The following AGBL1 variants were observed in gnomAD, a reference collection of about 807,000 sequenced individuals.
The protein encoded by AGBL1 is AGBL carboxypeptidase 1, also known as cytosolic carboxypeptidase 4.
AGBL1 carries 130 observed loss-of-function variants against 118.9 expected under a neutral mutation model. The ratio of observed to expected loss-of-function variants is 1.09; its 90% CI spans 0.95 to 1.26. The LOEUF is 1.26. Ranked by LOEUF, AGBL1 falls within the 50% of genes most tolerant of loss-of-function variation. The pLI is 0.00. For missense variants in AGBL1, 1,584 were observed against 1,298.1 expected (o/e 1.22, Z -3.38); for synonymous variants, 555 against 478.9 (o/e 1.16, Z -2.08).
At position 86,282,413 on chromosome 15, in the gene AGBL1, A is replaced by T. The variant is rs1319902589; in HGVS notation, c.2220+2630A>T. 2.6e-5 allele frequency among the ~76,000 whole-genome samples: 4 copies of T among 152,328 alleles called. No individual in the cohort carries two copies. The East Asian group carries it at 7.7e-4, about 29-fold the overall frequency. The stretch of plus-strand genomic sequence containing the variant: ...ACTTTTTATTGTTACTTTTGAGCCT[A>T]CTGACTGTGAATGTCTTCCTCCAGG... On this transcript the variant is annotated intron_variant, in intron 16 of 22. Transcript: ENST00000614907.
chr15:86,497,515 A>T (rs937502132), intron 18 of AGBL1, among the ~76,000 whole-genome samples: 82 of 151,856 alleles, frequency 5.4e-4, no homozygotes, highest in African/African-American at 1.9e-3. Context: ...ATTTCTGTTT[A>T]TTTTCACTGA....
chr15:86,735,581 CTT>C (rs937548815), intron 22 of AGBL1, among the ~76,000 whole-genome samples: 2 of 147,194 alleles, frequency 1.4e-5, no homozygotes, highest in Admixed American at 1.4e-4. Flanking sequence ...TCTATTGTCT[CTT>C]TTGATATAGA....
At chr15:86,727,894 C>T (rs1012460771) in intron 22 of AGBL1, among the ~76,000 whole-genome samples, 3 of 152,170 alleles carry the variant, frequency 2.0e-5, no homozygotes, top group African/African-American at 7.2e-5. Context: ...AATATAAGAA[C>T]AGGTGCAGTT....
At chr15:86,604,052 C>A (rs891366374) in intron 21 of AGBL1, among the ~76,000 whole-genome samples, 4 of 151,438 alleles carry the variant, frequency 2.6e-5, no homozygotes, top group East Asian at 1.9e-4. Flanking sequence ...TTTCTTACAC[C>A]ATTAGCTCAT....
At position 86,264,835 on chromosome 15, in the gene AGBL1, A is replaced by G. The variant is rs1442379230; in HGVS notation, c.1664A>G (p.Gln555Arg). ...QPMLERKCGV[Q>R]RIRIFEDIRR... Reference sequence around the variant, plus strand: ...ATGTTGGAACGAAAATGTGGAGTCCAAAGGTGATGGCGCTACTGACTTGGG... The same window carrying G: ...ATGTTGGAACGAAAATGTGGAGTCCGAAGGTGATGGCGCTACTGACTTGGG... The change falls in exon 11 of 23, where the codon CAA becomes CGA. Residue 555 changes from glutamine to arginine, a missense_variant. Gln to Arg is a conservative substitution (Grantham distance 43, BLOSUM62 1). Transcript: ENST00000614907. The G allele has an allele frequency of 1.9e-6, 3 of 1,593,026 alleles. No homozygotes were observed. In the South Asian group the frequency reaches 3.4e-5, roughly 18 times the overall value.
intron 18 of AGBL1, among the ~76,000 whole-genome samples, chr15:86,432,042 A>G (rs1038222610): frequency 2.8e-5 from 4 of 142,042 alleles, no homozygotes; most frequent in African/African-American, 1.1e-4. Flanking sequence ...GGCCCTTGTG[A>G]TTCTCAGCAA....
At chr15:86,506,407 T>C (rs1242521527) in intron 18 of AGBL1, among the ~76,000 whole-genome samples, 1 of 152,068 alleles carries the variant, frequency 6.6e-6, no homozygotes, top group Admixed American at 6.6e-5. Context: ...AGACCCATGA[T>C]GTTTAGCAAT....
chr15:86,975,871 G>C (rs2081172042), intron 23 of AGBL1, among the ~76,000 whole-genome samples: 1 of 152,092 alleles, frequency 6.6e-6, no homozygotes, highest in South Asian at 2.1e-4. Flanking sequence ...TTGAAATCAT[G>C]GAATTTCTGC....
chr15:86,444,765 C>T (rs1042029146), intron 18 of AGBL1, among the ~76,000 whole-genome samples: 4 of 152,032 alleles, frequency 2.6e-5, no homozygotes, highest in African/African-American at 4.8e-5. Flanking sequence ...GTCAAAAGAC[C>T]GGCACAAGAC....
chr15:86,990,094 TA>T (rs1407994259), intron 24 of AGBL1, among the ~76,000 whole-genome samples: 1 of 152,190 alleles, frequency 6.6e-6, no homozygotes, highest in Non-Finnish European at 1.5e-5. Context: ...ACTTATTTTT[TA>T]ATAGGATCCT....
rs145175776 is a variant in AGBL1, at chr15:86,264,084, A to G, written c.1087-174A>G. Among the ~76,000 whole-genome samples, 7 of 152,236 alleles carry G rather than the reference A, an allele frequency of 4.6e-5. No homozygotes were observed. The East Asian group carries it at 1.4e-3, about 29-fold the overall frequency. ...CCCCTTCCAAACATGAGTTTCTATG[A>G]TTCTGTCATTTATTTGACTCTTGAA... On this transcript the variant is annotated intron_variant, in intron 10 of 22. Transcript: ENST00000614907.
At chr15:86,866,768 C>T (rs2079636580) in intron 22 of AGBL1, among the ~76,000 whole-genome samples, 1 of 152,174 alleles carries the variant, frequency 6.6e-6, no homozygotes, top group Non-Finnish European at 1.5e-5. Flanking sequence ...AGGAGAATTG[C>T]TTGAACCTGG....
chr15:86,991,235 A>G (rs980437230), intron 24 of AGBL1, among the ~76,000 whole-genome samples: 2 of 152,020 alleles, frequency 1.3e-5, no homozygotes, highest in African/African-American at 4.8e-5. Context: ...TTTTTTGTTC[A>G]TTTGTTTGTT....
chr15:86,496,436 A>G (rs2142152436), intron 18 of AGBL1, among the ~76,000 whole-genome samples: 1 of 152,146 alleles, frequency 6.6e-6, no homozygotes, highest in East Asian at 1.9e-4. Context: ...AATCTGTTTT[A>G]AGTATGCATC....
chr15:86,338,117 AGGGGACAT>A (rs961210947), intron 17 of AGBL1, among the ~76,000 whole-genome samples: 3 of 152,148 alleles, frequency 2.0e-5, no homozygotes, highest in Non-Finnish European at 1.5e-5. Context: ...ATGGAGGATA[AGGGGACAT>A]GGGGACATGG....
chr15:86,793,842 T>C (rs2078532694), intron 22 of AGBL1, among the ~76,000 whole-genome samples: 10 of 152,158 alleles, frequency 6.6e-5, no homozygotes, highest in Admixed American at 6.6e-4. Context: ...AACAAGTATA[T>C]GAAAAGATGT....
chr15:86,676,423 CT>C (rs2085848110), intron 22 of AGBL1, among the ~76,000 whole-genome samples: 1 of 152,182 alleles, frequency 6.6e-6, no homozygotes, highest in Admixed American at 6.5e-5. Context: ...AGCCAATAAG[CT>C]TATGGTCACA....
intron 23 of AGBL1, among the ~76,000 whole-genome samples, chr15:86,973,497 A>G (rs1450258368): frequency 1.3e-5 from 2 of 151,970 alleles, no homozygotes; most frequent in Admixed American, 1.3e-4. Context: ...AGTTCCTCCC[A>G]AGACTTCTCA....
intron 20 of AGBL1, among the ~76,000 whole-genome samples, chr15:86,547,458 A>C (rs933646960): frequency 2.6e-5 from 4 of 152,162 alleles, no homozygotes; most frequent in Admixed American, 2.6e-4. Context: ...TCCTGTACGA[A>C]GCTGACATGA....
Sources: allele counts gnomAD v4.1 joint callset (sites outside exome capture counted in the v4.1 genomes callset), GRCh38; gene constraint gnomAD v4.1.1; transcripts MANE v1.5; gene names NCBI Gene and HGNC (gene_info 2026-07-23, HGNC 2026-07-21).